Variants in NDUFA10 observed in about 807,000 individuals in gnomAD.
NDUFA10 encodes the protein NADH dehydrogenase [ubiquinone] 1 alpha subcomplex subunit 10, mitochondrial.
NDUFA10 carries 40 observed loss-of-function variants against 47.8 expected under a neutral mutation model. The observed-to-expected ratio is 0.84, with a 90% CI of 0.65 to 1.09. The LOEUF is 1.09. Ranked by LOEUF, NDUFA10 falls within the 50% of genes least tolerant of loss-of-function variation. NDUFA10 has a pLI of 0.00. For synonymous variants in NDUFA10, 183 were observed against 172.2 expected, an observed-to-expected ratio of 1.06 and a Z score of -0.49; for missense variants, 413 against 451.1, an observed-to-expected ratio of 0.92 and a Z score of 0.76.
intron 4 of NDUFA10, among the ~76,000 whole-genome samples, chr2:239,934,696 T>C (rs1393048826): frequency 2.0e-5 from 3 of 152,138 alleles, no homozygotes; most frequent in Non-Finnish European, 4.4e-5. Context: ...TGGACCTCAT[T>C]CGTCCTGTCA....
chr2:239,952,918 G>A (rs1049169226), downstream of NDUFA10, among the ~76,000 whole-genome samples: 2 of 152,216 alleles, frequency 1.3e-5, no homozygotes, highest in African/African-American at 4.8e-5. Context: ...CCATCTCTGT[G>A]GTGGGTGAGA....
chr2:239,916,988 G>A (rs987132676), intron 4 of NDUFA10, among the ~76,000 whole-genome samples: 1 of 152,204 alleles, frequency 6.6e-6, no homozygotes, highest in African/African-American at 2.4e-5. Flanking sequence ...GAAACACTGT[G>A]GACATAACAC....
At chr2:239,932,416 G>A (rs1369541128) in intron 4 of NDUFA10, among the ~76,000 whole-genome samples, 1 of 152,228 alleles carries the variant, frequency 6.6e-6, no homozygotes. Flanking sequence ...TGCGACAGCA[G>A]TAAAACATTT....
At chr2:239,941,172 A>C (rs1320294987) in intron 4 of NDUFA10, among the ~76,000 whole-genome samples, 2 of 152,258 alleles carry the variant, frequency 1.3e-5, no homozygotes, top group Non-Finnish European at 2.9e-5. Context: ...CAATAGACGT[A>C]TGACCCATAA....
At chr2:239,909,040 G>C (rs1693702801) in intron 4 of NDUFA10, among the ~76,000 whole-genome samples, 1 of 152,184 alleles carries the variant, frequency 6.6e-6, no homozygotes, top group African/African-American at 2.4e-5. Context: ...CATGCCCTCT[G>C]TTGGCTGGTC....
chr2:239,956,770 G>A (rs919650819), downstream of NDUFA10, among the ~76,000 whole-genome samples: 12 of 152,190 alleles, frequency 7.9e-5, no homozygotes, highest in African/African-American at 2.2e-4. Context: ...GCGTCACGGC[G>A]GAGCCGGGCA....
intron 4 of NDUFA10, among the ~76,000 whole-genome samples, chr2:239,930,300 GCTC>G (rs1156322429): frequency 2.6e-5 from 4 of 151,964 alleles, no homozygotes; most frequent in Non-Finnish European, 5.9e-5. Flanking sequence ...TGCCACCCCT[GCTC>G]CTCCATTGCC....
chr2:239,995,341 CTG>C (rs1428243194), intron 8 of NDUFA10, among the ~76,000 whole-genome samples: 2 of 152,110 alleles, frequency 1.3e-5, no homozygotes, highest in East Asian at 3.9e-4. Context: ...GCCAAGAAGA[CTG>C]TGCCGTCGGT....
chr2:239,988,742 A>G (rs994858824), intron 9 of NDUFA10, among the ~76,000 whole-genome samples: 1 of 152,232 alleles, frequency 6.6e-6, no homozygotes, highest in African/African-American at 2.4e-5. Flanking sequence ...GCAGCAAGCA[A>G]AGCACCAGCT....
intron 4 of NDUFA10, among the ~76,000 whole-genome samples, chr2:239,904,197 G>A (rs1012706721): frequency 3.0e-4 from 45 of 152,236 alleles, no homozygotes; most frequent in East Asian, 1.2e-3. Flanking sequence ...AGTGTGCCCC[G>A]GGGGACACTG....
intron 4 of NDUFA10, among the ~76,000 whole-genome samples, chr2:239,935,604 C>T (rs1052015507): frequency 6.6e-6 from 1 of 152,188 alleles, no homozygotes; most frequent in Non-Finnish European, 1.5e-5. Flanking sequence ...GTGTCCCCAC[C>T]CAAATCTCAT....
intron 4 of NDUFA10, among the ~76,000 whole-genome samples, chr2:239,948,911 A>G (rs1236533778): frequency 6.6e-6 from 1 of 152,266 alleles, no homozygotes; most frequent in Admixed American, 6.5e-5. Context: ...GCAGGAGTCC[A>G]GAAGAGAAGG....
chr2:239,913,406 C>A (rs368561187), intron 4 of NDUFA10, among the ~76,000 whole-genome samples: 3 of 152,264 alleles, frequency 2.0e-5, no homozygotes, highest in East Asian at 3.8e-4. Context: ...GACTCTGCCA[C>A]GATGGGCGGG....
downstream of NDUFA10, among the ~76,000 whole-genome samples, chr2:239,953,824 G>A (rs1056617703): frequency 1.3e-5 from 2 of 152,252 alleles, no homozygotes; most frequent in African/African-American, 4.8e-5. Flanking sequence ...TTCAGGAACT[G>A]CAAACTTAAA....
intron 4 of NDUFA10, among the ~76,000 whole-genome samples, chr2:239,944,681 G>A (rs575760085): frequency 1.8e-4 from 28 of 152,272 alleles, no homozygotes; most frequent in East Asian, 9.7e-4. Flanking sequence ...GTGCCTAATG[G>A]AAGCCTCTGG....
At chr2:239,950,374 C>G (rs532844659) in intron 4 of NDUFA10, among the ~76,000 whole-genome samples, 2 of 152,188 alleles carry the variant, frequency 1.3e-5, no homozygotes, top group African/African-American at 4.8e-5. Context: ...TCAGGGCTCC[C>G]GACCCACCAC....
At chr2:239,974,406 C>T (rs1248923245) in intron 9 of NDUFA10, among the ~76,000 whole-genome samples, 2 of 152,196 alleles carry the variant, frequency 1.3e-5, no homozygotes, top group Non-Finnish European at 2.9e-5. Context: ...CCCTTCTATT[C>T]ATATGAAAAT....
chr2:239,918,971 G>T (rs1452860574), intron 4 of NDUFA10, among the ~76,000 whole-genome samples: 3 of 152,202 alleles, frequency 2.0e-5, no homozygotes, highest in Non-Finnish European at 4.4e-5. Context: ...GAGGCCAATG[G>T]CAGGGACACA....
chr2:240,013,378 T>C (rs888141555), intron 5 of NDUFA10: 6 of 152,152 alleles, frequency 3.9e-5, no homozygotes, highest in African/African-American at 9.7e-5. Context: ...AGAATTATTT[T>C]TGAAATACTG....
Sources: gnomAD v4.1 joint callset for allele counts (sites outside exome capture counted in the v4.1 genomes callset) on GRCh38, gnomAD v4.1.1 for gene constraint, MANE v1.5 for transcripts, NCBI Gene and HGNC (gene_info 2026-07-23, HGNC 2026-07-21) for gene names.